Variants in DNAH5 observed in about 807,000 individuals in gnomAD.
DNAH5 encodes axonemal beta dynein heavy chain 5.
DNAH5 carries 372 observed loss-of-function variants against 518.2 expected under a neutral mutation model. The observed-to-expected ratio is 0.72, with a 90% confidence interval of 0.66 to 0.78. DNAH5 has a LOEUF of 0.78. Among genes scored for constraint, DNAH5 ranks in the 30% least tolerant of loss-of-function variants. The probability of loss-of-function intolerance (pLI) is 0.00; values close to 1 mark genes in which losing one functional copy is unlikely to be tolerated. For missense variants in DNAH5, 5,523 were observed against 5,687.0 expected (o/e 0.97, Z 0.93); for synonymous variants, 2,039 against 2,025.9 (o/e 1.01, Z -0.17).
chr5:13,924,852 A>T (rs989804764), intron 3 of DNAH5, among the ~76,000 whole-genome samples: 6 of 152,190 alleles, frequency 3.9e-5, no homozygotes, highest in Non-Finnish European at 7.3e-5. Context: ...CATTGAGTAG[A>T]TAATTTAAGT....
intron 1 of DNAH5, among the ~76,000 whole-genome samples, chr5:13,989,900 A>G (rs1783393782): frequency 6.6e-6 from 1 of 152,100 alleles, no homozygotes; most frequent in African/African-American, 2.4e-5. Flanking sequence ...GCATTACTCT[A>G]TACCAGGCCC....
In DNAH5 at chr5:13,883,003, AGGGGCCATGAC is replaced by A; in HGVS notation, c.3064_3074del (p.Val1022CysfsTer21). 2 of 1,614,186 alleles carry A rather than the reference AGGGGCCATGAC, an allele frequency of 1.2e-6. No individual in the cohort carries two copies. Among genetic ancestry groups the A allele is most frequent in the Middle Eastern group, 3.3e-4 (2 of 6,062 alleles). On this transcript the variant is annotated frameshift_variant, in exon 20 of 79. Transcript: ENST00000265104. LOFTEE classifies it high-confidence loss of function. ...GGGTCTGCTGTACATCTTCCAGGGCAGGGGCCATGACGATGTTGGGAATGGCCAGAGTGACG... is the reference window on the plus strand; with the variant it reads ...GGGTCTGCTGTACATCTTCCAGGGCAGATGTTGGGAATGGCCAGAGTGACG...
At position 13,991,994 on chromosome 5, in the gene DNAH5, T is replaced by C. The variant is rs1351544621; in HGVS notation, c.12+19654A>G. On this transcript the variant is annotated intron_variant, in intron 1 of 78. Coordinates refer to the DNAH5 transcript ENST00000681290. ...GCAGAATGAACGGACTTTTAAACAG[T>C]AATCTTCAGATAAATAAAACTGGTA... Among the ~76,000 whole-genome samples, 2 of 152,144 alleles carry C rather than the reference T, an allele frequency of 1.3e-5. 1 individual carries two copies. The highest frequency in any genetic ancestry group is 1.3e-4 in the Admixed American group (2 of 15,274).
Position 13,944,686 on chromosome 5 carries a change from G to A in DNAH5, c.-248C>T. 3 of 546,182 alleles carry A rather than the reference G, an allele frequency of 5.5e-6. No homozygotes were observed. The highest frequency in any genetic ancestry group is 9.9e-6 in the Non-Finnish European group (3 of 302,970). The allele number at this position is 546,182 out of a possible 1,614,324, so 33.8% of individuals were successfully genotyped here. A position where few individuals can be genotyped will look rare whatever the true frequency, so the allele number is the denominator to read the frequency against. On this transcript the variant is annotated 5_prime_UTR_variant, in exon 1 of 79. Coordinates refer to ENST00000265104, the MANE Select transcript of DNAH5 (RefSeq NM_001369.3). ...CTCCTCTCTCTCGAAGCCTGGTGTTGTTAGGGTAATATTGTTTATACACTA... is the reference window on the plus strand; with the variant it reads ...CTCCTCTCTCTCGAAGCCTGGTGTTATTAGGGTAATATTGTTTATACACTA...
chr5:13,891,796 T>C (rs1773257367), intron 16 of DNAH5, among the ~76,000 whole-genome samples: 1 of 152,240 alleles, frequency 6.6e-6, no homozygotes, highest in African/African-American at 2.4e-5. Context: ...GGGTACATTT[T>C]TTTAGTTGTG....
intron 47 of DNAH5, among the ~76,000 whole-genome samples, chr5:13,795,978 G>T (rs1342991396): frequency 6.6e-6 from 1 of 152,130 alleles, no homozygotes; most frequent in African/African-American, 2.4e-5. Flanking sequence ...ATGCAGAAAA[G>T]GCCTTCGACA....
chr5:13,810,030 G>C, intron 45 of DNAH5, 29 bp downstream of exon 45: 2 of 1,548,052 alleles, frequency 1.3e-6, no homozygotes, highest in Non-Finnish European at 1.7e-6. Flanking sequence ...GCCCCCATGG[G>C]TTCCGTCTGG....
chr5:13,930,075 A>G (rs1270016661), intron 2 of DNAH5, among the ~76,000 whole-genome samples: 1 of 152,198 alleles, frequency 6.6e-6, no homozygotes, highest in Non-Finnish European at 1.5e-5. Flanking sequence ...GAGAAAGAGG[A>G]GAAGCACATT....
At chr5:14,001,907 TG>T (rs202069775) in intron 1 of DNAH5, among the ~76,000 whole-genome samples, 238 of 149,150 alleles carry the variant, frequency 1.6e-3, no homozygotes, top group Middle Eastern at 7.1e-3. Flanking sequence ...GGTGTTAATT[TG>T]TTTTTTTTTT....
At chr5:13,934,767 A>T (rs555293392) in intron 1 of DNAH5, among the ~76,000 whole-genome samples, 4 of 152,332 alleles carry the variant, frequency 2.6e-5, no homozygotes, top group South Asian at 2.1e-4. Context: ...TCTGAGAGAC[A>T]ACTTTGCTGG....
chr5:13,996,904 C>A (rs918940563), intron 1 of DNAH5, among the ~76,000 whole-genome samples: 6 of 152,242 alleles, frequency 3.9e-5, no homozygotes, highest in African/African-American at 2.4e-5. Flanking sequence ...CCCAACCCCA[C>A]CGTTCTGCCA....
intron 21 of DNAH5, among the ~76,000 whole-genome samples, chr5:13,882,516 A>C (rs1771812892): frequency 6.6e-6 from 1 of 152,222 alleles, no homozygotes; most frequent in African/African-American, 2.4e-5. Flanking sequence ...AATATATGCA[A>C]ATCAATAAAT....
At position 13,741,430 on chromosome 5, in the gene DNAH5, C is replaced by T. The variant is rs143618641; in HGVS notation, c.11212-3935G>A. On this transcript the variant is annotated intron_variant, in intron 65 of 78. Coordinates refer to ENST00000265104, the MANE Select transcript of DNAH5 (RefSeq NM_001369.3). ...CTCAAGCAAAACTTGCTCTTATCAT[C>T]TTTGTTTCCATCTGTTATCTGGTTA... Among the ~76,000 whole-genome samples, 356 of 152,254 alleles carry T rather than the reference C, an allele frequency of 2.3e-3. 2 individuals carry two copies. In the Middle Eastern group the frequency reaches 0.034, roughly 15 times the overall value.
chr5:13,951,520 C>T (rs1165260332), intron 1 of DNAH5, among the ~76,000 whole-genome samples: 1 of 152,170 alleles, frequency 6.6e-6, no homozygotes, highest in East Asian at 1.9e-4. Context: ...ATGCCTGGCC[C>T]ATATTCTCTC....
chr5:13,841,624 A>G, intron 33 of DNAH5, 68 bp downstream of exon 33: 1 of 1,255,388 alleles, frequency 8.0e-7, no homozygotes, highest in Non-Finnish European at 1.2e-6. Context: ...TGAAGCTTAC[A>G]ATAGGTAATG....
intron 75 of DNAH5, 62 bp from the exon 76 acceptor site, chr5:13,708,397 G>A: frequency 1.3e-6 from 2 of 1,544,524 alleles, no homozygotes; most frequent in Admixed American, 1.7e-5. Flanking sequence ...TATAGACCTG[G>A]TGCCCTGGGG....
chr5:13,765,502 G>C (rs1287720394), intron 59 of DNAH5, among the ~76,000 whole-genome samples: 1 of 152,174 alleles, frequency 6.6e-6, no homozygotes, highest in Non-Finnish European at 1.5e-5. Flanking sequence ...GGGCACAAGA[G>C]AGATTTCTGG....
At chr5:13,925,772 C>G (rs532906876) in intron 3 of DNAH5, among the ~76,000 whole-genome samples, 1 of 152,228 alleles carries the variant, frequency 6.6e-6, no homozygotes, top group East Asian at 1.9e-4. Context: ...TGGGTGGCGA[C>G]ACAGAGCCAA....
At chr5:13,997,490 G>C (rs1286914526) in intron 1 of DNAH5, among the ~76,000 whole-genome samples, 2 of 152,064 alleles carry the variant, frequency 1.3e-5, no homozygotes, top group Admixed American at 6.6e-5. Context: ...CCAACATTCT[G>C]CAGTCAAATC....
Sources: gnomAD v4.1 joint callset for allele counts (sites outside exome capture counted in the v4.1 genomes callset) on GRCh38, gnomAD v4.1.1 for gene constraint, MANE v1.5 for transcripts, NCBI Gene and HGNC (gene_info 2026-07-23, HGNC 2026-07-21) for gene names.